Variants in TENM2 observed in about 807,000 individuals in gnomAD.
The protein encoded by TENM2 is teneurin transmembrane protein 2.
In TENM2, 52 loss-of-function variants were observed where a neutral mutation model predicts 245.2. The ratio of observed to expected loss-of-function variants is 0.21; its 90% CI spans 0.17 to 0.27. The LOEUF is 0.27. Ranked by LOEUF, TENM2 falls within the 10% of genes least tolerant of loss-of-function variation. The pLI, the probability that TENM2 is intolerant of heterozygous loss-of-function variation, is 1.00. For missense variants in TENM2, 3,046 were observed against 3,666.8 expected (o/e 0.83, Z 4.37); for synonymous variants, 1,363 against 1,438.9 (o/e 0.95, Z 1.19).
intron 2 of TENM2, among the ~76,000 whole-genome samples, chr5:167,710,856 G>A (rs945737930): frequency 6.6e-6 from 1 of 152,220 alleles, no homozygotes; most frequent in Non-Finnish European, 1.5e-5. Flanking sequence ...CTGGGAGACA[G>A]GGAGACTAGT....
chr5:167,908,050 A>G (rs1245160870), intron 3 of TENM2, among the ~76,000 whole-genome samples: 1 of 152,038 alleles, frequency 6.6e-6, no homozygotes, highest in Admixed American at 6.5e-5. Flanking sequence ...ATTCAATTTG[A>G]TTATCTCTGT....
At chr5:167,571,287 T>A (rs553024748) in intron 2 of TENM2, among the ~76,000 whole-genome samples, 1 of 152,128 alleles carries the variant, frequency 6.6e-6, no homozygotes, top group South Asian at 2.1e-4. Flanking sequence ...TGAGACAAAA[T>A]AACTCAGTCA....
intron 2 of TENM2, among the ~76,000 whole-genome samples, chr5:167,733,546 G>A (rs1031693441): frequency 2.6e-5 from 4 of 152,294 alleles, no homozygotes; most frequent in South Asian, 4.1e-4. Flanking sequence ...ATCTAAAGGA[G>A]TGAAGAGGCT....
chr5:167,816,007 T>C (rs1171186570), intron 2 of TENM2, among the ~76,000 whole-genome samples: 4 of 151,568 alleles, frequency 2.6e-5, no homozygotes, highest in African/African-American at 9.7e-5. Context: ...TGTGTGTGTG[T>C]GTGTTTCTCC....
At chr5:168,231,628 A>AG (rs141983525) in intron 25 of TENM2, among the ~76,000 whole-genome samples, 2,698 of 151,124 alleles carry the variant, frequency 0.018, 70 homozygotes, top group African/African-American at 0.062. Flanking sequence ...GCCTGGGCAC[A>AG]GTGGCTCATG....
intron 2 of TENM2, among the ~76,000 whole-genome samples, chr5:167,835,172 C>T (rs910792122): frequency 6.6e-6 from 1 of 152,130 alleles, no homozygotes; most frequent in East Asian, 1.9e-4. Context: ...ATATAAAGTG[C>T]CTGGCTCTGA....
chr5:167,544,507 G>A (rs1384951912), intron 2 of TENM2, among the ~76,000 whole-genome samples: 1 of 152,080 alleles, frequency 6.6e-6, no homozygotes, highest in Non-Finnish European at 1.5e-5. Flanking sequence ...ATCTTCCCTG[G>A]AATTTATCAG....
chr5:167,785,179 C>T (rs1297305464), intron 2 of TENM2, among the ~76,000 whole-genome samples: 1 of 152,190 alleles, frequency 6.6e-6, no homozygotes, highest in East Asian at 1.9e-4. Context: ...TTTTCTCTCT[C>T]ATTCGCCTAT....
chr5:167,790,244 C>T (rs1764855889), intron 2 of TENM2, among the ~76,000 whole-genome samples: 1 of 152,030 alleles, frequency 6.6e-6, no homozygotes, highest in Non-Finnish European at 1.5e-5. Flanking sequence ...CTGTTTAAAG[C>T]AGGGCACAAA....
the TENM2 span, among the ~76,000 whole-genome samples, chr5:167,073,161 G>A: frequency 0.011 from 1,731 of 152,258 alleles, 34 homozygotes; most frequent in African/African-American, 0.04. Flanking sequence ...TTTTGAAGAT[G>A]TATGGTATTT....
At chr5:167,220,351 C>A in the TENM2 span, among the ~76,000 whole-genome samples, 2 of 152,150 alleles carry the variant, frequency 1.3e-5, no homozygotes, top group East Asian at 3.8e-4. Context: ...TAGCCTCTTT[C>A]TTTTGGTCAC....
chr5:167,276,664 A>G, the TENM2 span, among the ~76,000 whole-genome samples: 4 of 152,174 alleles, frequency 2.6e-5, no homozygotes, highest in Middle Eastern at 3.4e-3. Context: ...CTTATATGAA[A>G]TGGTAGATTT....
the TENM2 span, among the ~76,000 whole-genome samples, chr5:167,132,015 G>A: frequency 1.3e-5 from 2 of 152,006 alleles, no homozygotes; most frequent in Non-Finnish European, 2.9e-5. Flanking sequence ...TGGAGACGGG[G>A]TTTCACCATG....
At chr5:168,245,956 G>A (rs1479307542) in intron 26 of TENM2, among the ~76,000 whole-genome samples, 1 of 151,586 alleles carries the variant, frequency 6.6e-6, no homozygotes, top group Non-Finnish European at 1.5e-5. Flanking sequence ...GATGTGGCTG[G>A]GCGCAATGGC....
chr5:167,714,569 A>C (rs1759130664), intron 2 of TENM2, among the ~76,000 whole-genome samples: 1 of 152,174 alleles, frequency 6.6e-6, no homozygotes, highest in South Asian at 2.1e-4. Context: ...GGATTTTCCA[A>C]CCTGCTAGCG....
At chr5:167,477,268 A>C (rs1271836872) in intron 2 of TENM2, among the ~76,000 whole-genome samples, 1 of 140,598 alleles carries the variant, frequency 7.1e-6, no homozygotes, top group East Asian at 1.9e-4. Context: ...TAATAGTAAA[A>C]AAAAAAAAAA....
the TENM2 span, among the ~76,000 whole-genome samples, chr5:167,032,409 G>T: frequency 6.6e-6 from 1 of 152,164 alleles, no homozygotes; most frequent in Non-Finnish European, 1.5e-5. Context: ...TTGATCACTG[G>T]TAGGAGGGAT....
At chr5:167,872,556 A>AAG (rs1333840825) in intron 2 of TENM2, among the ~76,000 whole-genome samples, 654 of 58,144 alleles carry the variant, frequency 0.011, 3 homozygotes, top group Middle Eastern at 0.029. Flanking sequence ...AAGAGAAAGA[A>AAG]AGAAAGAAAG....
intron 25 of TENM2, among the ~76,000 whole-genome samples, chr5:168,240,671 A>G (rs577649915): frequency 9.3e-4 from 141 of 152,120 alleles, no homozygotes; most frequent in Middle Eastern, 3.4e-3. Context: ...CTGACACTCA[A>G]TGTTCAATAA....
Sources: gnomAD v4.1 joint callset for allele counts (sites outside exome capture counted in the v4.1 genomes callset) on GRCh38, gnomAD v4.1.1 for gene constraint, MANE v1.5 for transcripts, NCBI Gene and HGNC (gene_info 2026-07-23, HGNC 2026-07-21) for gene names.